The following IGSF10 variants were observed in gnomAD, a reference collection of about 807,000 sequenced individuals.
IGSF10 encodes calvaria mechanical force protein 608.
IGSF10 carries 126 observed loss-of-function variants against 128.2 expected under a neutral mutation model. The observed-to-expected ratio is 0.98, with a 90% CI of 0.85 to 1.14. The LOEUF is 1.14. Ranked by LOEUF, IGSF10 falls within the 50% of genes most tolerant of loss-of-function variation. The probability of loss-of-function intolerance (pLI) is 0.00; values close to 1 mark genes in which losing one functional copy is unlikely to be tolerated. For synonymous variants in IGSF10, 1,185 were observed against 1,146.2 expected (o/e 1.03, Z -0.68); for missense variants, 3,295 against 3,149.8 (o/e 1.05, Z -1.10).
chr3:151,441,850 A>T (rs1211451771), intron 7 of IGSF10, among the ~76,000 whole-genome samples: 1 of 152,166 alleles, frequency 6.6e-6, no homozygotes, highest in Non-Finnish European at 1.5e-5. Context: ...TCACGAGGTC[A>T]GGAGATCAAG....
At chr3:151,433,177 G>GT (rs895876918), downstream of IGSF10, 87 of 156,568 alleles carry the variant, frequency 5.6e-4, no homozygotes, top group South Asian at 1.4e-3. Context: ...TGATGACGTT[G>GT]TTTTTTTTTT....
At chr3:151,614,244 A>T in the IGSF10 span, among the ~76,000 whole-genome samples, 1 of 152,212 alleles carries the variant, frequency 6.6e-6, no homozygotes, top group Admixed American at 6.5e-5. Flanking sequence ...TAGTTCAATC[A>T]CTGTGGAAGT....
At chr3:151,560,711 T>C in the IGSF10 span, among the ~76,000 whole-genome samples, 130 of 143,818 alleles carry the variant, frequency 9.0e-4, no homozygotes, top group African/African-American at 3.2e-3. Flanking sequence ...AGCCCCCCCC[T>C]CCGTCCCACA....
chr3:151,552,067 G>A, the IGSF10 span, among the ~76,000 whole-genome samples: 2 of 152,050 alleles, frequency 1.3e-5, no homozygotes, highest in Admixed American at 6.6e-5. Flanking sequence ...ATTGGGTCAC[G>A]GGGACAGATT....
the IGSF10 span, among the ~76,000 whole-genome samples, chr3:151,526,367 A>C: frequency 3.3e-5 from 5 of 151,446 alleles, no homozygotes; most frequent in Non-Finnish European, 5.9e-5. Context: ...ATAAATTGGT[A>C]ATCTTTAGTA....
At chr3:151,537,967 C>G in the IGSF10 span, among the ~76,000 whole-genome samples, 1 of 152,186 alleles carries the variant, frequency 6.6e-6, no homozygotes, top group East Asian at 1.9e-4. Context: ...CTCAGAGCAG[C>G]TAGGATCCCT....
In IGSF10 at chr3:151,437,711, G is replaced by A. The variant is rs1402610905; in HGVS notation, c.6850C>T (p.Pro2284Ser). 6.2e-7 allele frequency: 1 copy of A among 1,614,052 alleles called. No homozygotes were observed. Among genetic ancestry groups the A allele is most frequent in the South Asian group, 1.1e-5 (1 of 91,070 alleles). Reference protein sequence around the residue: ...IMPDNIFLTAPYYGSRITVHK... With the variant: ...IMPDNIFLTASYYGSRITVHK... ...ACTGTGATTCTGCTTCCATAGTATGGGGCTGTGAGGAAAATATTGTCTGGC... is the reference window on the plus strand; with the variant it reads ...ACTGTGATTCTGCTTCCATAGTATGAGGCTGTGAGGAAAATATTGTCTGGC... Residue 2284 changes from proline to serine, a missense_variant, in exon 8 of 8, where the codon CCA becomes TCA. By Grantham distance (74) the Pro-to-Ser change is moderately conservative. Transcript: ENST00000282466.
intron 7 of IGSF10, among the ~76,000 whole-genome samples, chr3:151,441,934 G>A (rs1187669061): frequency 6.6e-6 from 1 of 152,122 alleles, no homozygotes; most frequent in Non-Finnish European, 1.5e-5. Flanking sequence ...GGTGGCGGGT[G>A]CCTGTGGTCC....
chr3:151,466,931 A>G, the IGSF10 span, among the ~76,000 whole-genome samples: 2 of 152,032 alleles, frequency 1.3e-5, no homozygotes, highest in African/African-American at 4.8e-5. Context: ...AGAACTTAAG[A>G]TGGTCGAAAT....
the IGSF10 span, among the ~76,000 whole-genome samples, chr3:151,526,781 T>C: frequency 6.6e-6 from 1 of 152,226 alleles, no homozygotes; most frequent in African/African-American, 2.4e-5. Context: ...TTATCCTTAA[T>C]GTTTTTGGCC....
chr3:151,483,128 A>C, the IGSF10 span, among the ~76,000 whole-genome samples: 1 of 152,248 alleles, frequency 6.6e-6, no homozygotes. Flanking sequence ...TAGTAGAGAT[A>C]AATTTAGAGT....
At chr3:151,495,731 G>T in the IGSF10 span, among the ~76,000 whole-genome samples, 1 of 151,978 alleles carries the variant, frequency 6.6e-6, no homozygotes, top group African/African-American at 2.4e-5. Flanking sequence ...GGGAGAAGGG[G>T]AACATGAGCC....
the IGSF10 span, among the ~76,000 whole-genome samples, chr3:151,578,295 T>C: frequency 6.6e-6 from 1 of 152,124 alleles, no homozygotes; most frequent in Non-Finnish European, 1.5e-5. Flanking sequence ...TAATAGTAAA[T>C]ATTTTAGGCT....
chr3:151,544,636 A>T, the IGSF10 span, among the ~76,000 whole-genome samples: 2 of 150,622 alleles, frequency 1.3e-5, no homozygotes, highest in Non-Finnish European at 2.9e-5. Flanking sequence ...TTGATTTCCA[A>T]ATCCTCTGTT....
At chr3:151,575,757 T>A in the IGSF10 span, among the ~76,000 whole-genome samples, 3 of 152,192 alleles carry the variant, frequency 2.0e-5, no homozygotes, top group Non-Finnish European at 4.4e-5. Flanking sequence ...CCCAATGAGA[T>A]GAACCAGGTA....
the IGSF10 span, among the ~76,000 whole-genome samples, chr3:151,531,943 T>C: frequency 1.3e-5 from 2 of 150,146 alleles, no homozygotes; most frequent in Non-Finnish European, 3.0e-5. Context: ...GCAAGACTAA[T>C]GAAGACAAGA....
At chr3:151,473,493 A>C in the IGSF10 span, among the ~76,000 whole-genome samples, 1 of 152,372 alleles carries the variant, frequency 6.6e-6, no homozygotes, top group Non-Finnish European at 1.5e-5. Context: ...CTTCCAAGGT[A>C]TCATGCACTC....
chr3:151,561,452 G>A, the IGSF10 span, among the ~76,000 whole-genome samples: 1 of 152,104 alleles, frequency 6.6e-6, no homozygotes, highest in African/African-American at 2.4e-5. Context: ...AGGTTCATCT[G>A]TACAAAGAGG....
At chr3:151,439,341 A>T (rs1202634093) in intron 7 of IGSF10, among the ~76,000 whole-genome samples, 1 of 152,270 alleles carries the variant, frequency 6.6e-6, no homozygotes, top group Non-Finnish European at 1.5e-5. Flanking sequence ...GGCTGGGCAC[A>T]GTGGCTCACA....
Sources: gnomAD v4.1 joint callset for allele counts (sites outside exome capture counted in the v4.1 genomes callset) on GRCh38, gnomAD v4.1.1 for gene constraint, MANE v1.5 for transcripts, NCBI Gene and HGNC (gene_info 2026-07-23, HGNC 2026-07-21) for gene names.